PATJ: variants seen among roughly 807,000 people sequenced by gnomAD.
The protein encoded by PATJ is inaD-like protein.
Under a neutral mutation model 224.9 loss-of-function variants are expected in PATJ, and 190 were observed. That is an observed-to-expected ratio of 0.84 (90% CI 0.75 to 0.95). The LOEUF is 0.95. Among genes scored for constraint, PATJ ranks in the 40% least tolerant of loss-of-function variants. The pLI is 0.00. For synonymous variants in PATJ, 769 were observed against 820.3 expected, an observed-to-expected ratio of 0.94 and a Z score of 1.07; for missense variants, 2,121 against 2,270.3, an observed-to-expected ratio of 0.93 and a Z score of 1.34.
At chr1:62,145,394 G>C (rs1667940870) in intron 41 of PATJ, among the ~76,000 whole-genome samples, 1 of 152,218 alleles carries the variant, frequency 6.6e-6, no homozygotes, top group Non-Finnish European at 1.5e-5. Context: ...AGGTAAGGTG[G>C]CTCACGCCTG....
intron 23 of PATJ, among the ~76,000 whole-genome samples, chr1:61,901,030 A>G (rs1671083894): frequency 6.6e-6 from 1 of 152,230 alleles, no homozygotes; most frequent in Non-Finnish European, 1.5e-5. Flanking sequence ...GCTTAACTAA[A>G]TCTTCACTGA....
At chr1:62,124,099 T>C (rs1485402297) in intron 39 of PATJ, among the ~76,000 whole-genome samples, 1 of 152,100 alleles carries the variant, frequency 6.6e-6, no homozygotes, top group South Asian at 2.1e-4. Context: ...TTCTTTTTCT[T>C]TTTGAGATGG....
intron 28 of PATJ, among the ~76,000 whole-genome samples, chr1:62,006,097 CT>C (rs935990921): frequency 1.3e-5 from 2 of 150,350 alleles, no homozygotes; most frequent in African/African-American, 4.9e-5. Flanking sequence ...CATTTCTTTT[CT>C]TTTTTTGTTT....
At chr1:61,882,550 C>T (rs754759691) in intron 21 of PATJ, among the ~76,000 whole-genome samples, 10 of 152,130 alleles carry the variant, frequency 6.6e-5, no homozygotes, top group Non-Finnish European at 1.3e-4. Flanking sequence ...GTCATCTCAG[C>T]TTTCTCCCTC....
At chr1:61,802,483 T>C (rs1441203971) in intron 12 of PATJ, among the ~76,000 whole-genome samples, 1 of 152,240 alleles carries the variant, frequency 6.6e-6, no homozygotes, top group Middle Eastern at 3.4e-3. Context: ...CTCACTATGT[T>C]GTCCAGGCTG....
chr1:62,101,007 G>C (rs896247571), intron 33 of PATJ, among the ~76,000 whole-genome samples: 2 of 152,102 alleles, frequency 1.3e-5, no homozygotes, highest in Admixed American at 1.3e-4. Context: ...ATAAAAGAAA[G>C]CATAACCCTC....
chr1:61,830,867 T>C (rs1570762139), intron 16 of PATJ, among the ~76,000 whole-genome samples: 1 of 151,994 alleles, frequency 6.6e-6, no homozygotes, highest in African/African-American at 2.4e-5. Flanking sequence ...TTTCACCATA[T>C]ACAAAAATCA....
chr1:61,970,994 A>T (rs1354074798), intron 27 of PATJ, among the ~76,000 whole-genome samples: 1 of 152,216 alleles, frequency 6.6e-6, no homozygotes, highest in Non-Finnish European at 1.5e-5. Flanking sequence ...CTTCAAAACC[A>T]CAAAACATTC....
chr1:61,968,381 G>A (rs985057769), intron 27 of PATJ, among the ~76,000 whole-genome samples: 2 of 151,998 alleles, frequency 1.3e-5, no homozygotes, highest in African/African-American at 4.8e-5. Context: ...TTCAAGGGTC[G>A]ACTTATTTTA....
intron 31 of PATJ, among the ~76,000 whole-genome samples, chr1:62,057,014 A>G (rs1363421391): frequency 6.6e-6 from 1 of 152,044 alleles, no homozygotes; most frequent in African/African-American, 2.4e-5. Context: ...TTTAGTTGAG[A>G]CAGGGTTTCA....
intron 31 of PATJ, among the ~76,000 whole-genome samples, chr1:62,070,172 T>G (rs1657147164): frequency 6.6e-6 from 1 of 152,246 alleles, no homozygotes. Flanking sequence ...ACAGAGGCAC[T>G]TACTTTTGCT....
intron 27 of PATJ, among the ~76,000 whole-genome samples, chr1:61,934,276 G>A (rs1364917204): frequency 6.6e-5 from 10 of 152,166 alleles, no homozygotes; most frequent in African/African-American, 1.7e-4. Context: ...GCGCCACCAC[G>A]CCCGGCTAAT....
At chr1:62,106,120 A>AT (rs71050198) in intron 33 of PATJ, among the ~76,000 whole-genome samples, 3 of 100,774 alleles carry the variant, frequency 3.0e-5, no homozygotes, top group Non-Finnish European at 4.2e-5. Context: ...ACACACACAC[A>AT]AACACACATA....
At chr1:62,097,717 CAAAT>C (rs1222149941) in intron 33 of PATJ, among the ~76,000 whole-genome samples, 1 of 152,164 alleles carries the variant, frequency 6.6e-6, no homozygotes, top group African/African-American at 2.4e-5. Flanking sequence ...GAATTGTAAA[CAAAT>C]AAATAGTTGT....
At chr1:62,114,414 G>A (rs1256748238) in intron 35 of PATJ, 168 bp downstream of exon 35, 5 of 633,904 alleles carry the variant, frequency 7.9e-6, no homozygotes, top group Admixed American at 3.1e-5. Flanking sequence ...GGTCTTACCA[G>A]AAAAATTGTC....
chr1:61,996,475 G>A (rs150650523), intron 28 of PATJ, among the ~76,000 whole-genome samples: 15 of 152,250 alleles, frequency 9.9e-5, no homozygotes, highest in African/African-American at 3.4e-4. Context: ...TTCTGTGTAT[G>A]TATGGATAAG....
intron 28 of PATJ, among the ~76,000 whole-genome samples, chr1:62,008,189 C>G (rs1011930239): frequency 6.6e-6 from 1 of 152,154 alleles, no homozygotes; most frequent in Admixed American, 6.5e-5. Flanking sequence ...GTTATATGCT[C>G]CTCAGCTGTG....
In PATJ at chr1:61,766,994, G is replaced by A. The variant is rs900630016; in HGVS notation, c.384+521G>A. ...TGTAATCCCAGATAGTTGGGAGGCT[G>A]AGGCAGGAGAATCGCTTGAACCCCA... On this transcript the variant is annotated intron_variant, in intron 4 of 43. Coordinates refer to ENST00000642238, the MANE Select transcript of PATJ (RefSeq NM_001350145.3). 3.3e-5 allele frequency among the ~76,000 whole-genome samples: 5 copies of A among 152,282 alleles called. No homozygotes were observed. The East Asian group carries it at 5.8e-4, about 18-fold the overall frequency.
intron 18 of PATJ, among the ~76,000 whole-genome samples, chr1:61,859,423 T>C (rs1480933234): frequency 3.3e-5 from 5 of 152,124 alleles, no homozygotes; most frequent in Admixed American, 1.3e-4. Flanking sequence ...ATTTTTTTTC[T>C]TTTTAACTAC....
Sources: allele counts gnomAD v4.1 joint callset (sites outside exome capture counted in the v4.1 genomes callset), GRCh38; gene constraint gnomAD v4.1.1; transcripts MANE v1.5; gene names NCBI Gene and HGNC (gene_info 2026-07-23, HGNC 2026-07-21).